The following PRR12 variants were observed in gnomAD, a reference collection of about 807,000 sequenced individuals.
PRR12 encodes the protein proline-rich protein 12.
PRR12 carries 12 observed loss-of-function variants against 138.0 expected under a neutral mutation model. The observed-to-expected ratio is 0.09, with a 90% CI of 0.06 to 0.14. The LOEUF (loss-of-function observed/expected upper bound fraction) is 0.14. Ranked by LOEUF, PRR12 falls within the 10% of genes least tolerant of loss-of-function variation. PRR12 has a pLI of 1.00. For missense variants in PRR12, 2,692 were observed against 2,861.3 expected (o/e 0.94, Z 1.35); for synonymous variants, 1,567 against 1,291.7 (o/e 1.21, Z -4.57).
chr19:49,601,255 C>T (rs1004691379), intron 5 of PRR12, among the ~76,000 whole-genome samples: 30 of 151,920 alleles, frequency 2.0e-4, no homozygotes, highest in Non-Finnish European at 2.8e-4. Flanking sequence ...GCTTTAAGAC[C>T]ACAAAGAGAC....
Position 49,595,445 on chromosome 19 carries a change from C to T in PRR12, c.1110C>T (p.Gly370=), listed in dbSNP as rs764691824. 117 of 1,028,760 alleles carry T rather than the reference C, an allele frequency of 1.1e-4. No homozygotes were observed. The highest frequency in any genetic ancestry group is 3.4e-4 in the East Asian group (13 of 38,552). 63.7% of individuals were successfully genotyped at this position (1,028,760 alleles called of 1,614,324 possible). A position where few individuals can be genotyped will look rare whatever the true frequency, so the allele number is the denominator to read the frequency against. Residue 370 remains glycine, a synonymous_variant, in exon 4 of 14, where the codon GGC becomes GGT. Coordinates refer to ENST00000418929, the MANE Select transcript of PRR12 (RefSeq NM_020719.3). ...GRATGPEAAG[G]GGAGGGGGGY... is the part of the protein sequence containing the mutation. ...CCACGGGCCCTGAGGCAGCAGGGGG[C>T]GGTGGGGCTGGGGGTGGTGGTGGAG...
At chr19:49,620,969 T>C (rs1301904806) in intron 10 of PRR12, among the ~76,000 whole-genome samples, 6 of 116,802 alleles carry the variant, frequency 5.1e-5, no homozygotes, top group East Asian at 2.8e-4. Flanking sequence ...CTCCTGGGTC[T>C]GAGGGAGGAG....
At chr19:49,617,495 G>A (rs183302716) in intron 9 of PRR12, among the ~76,000 whole-genome samples, 4 of 152,230 alleles carry the variant, frequency 2.6e-5, no homozygotes, top group African/African-American at 4.8e-5. Context: ...GCTGGGCTTG[G>A]TGGTGAATGC....
intron 6 of PRR12, among the ~76,000 whole-genome samples, chr19:49,603,448 C>T (rs548756950): frequency 1.1e-4 from 17 of 152,298 alleles, no homozygotes; most frequent in East Asian, 1.9e-4. Context: ...CCCAGCACTT[C>T]GGGAGGCCAA....
Position 49,599,835 on chromosome 19 carries a change from A to G in PRR12, c.4242A>G (p.Lys1414=). The stretch of plus-strand genomic sequence containing the variant: ...ATGACCCACCCCTTGCTGGGCCAAA[A>G]GACACTTCCACCCCAGATGGGCCGC... The part of the protein sequence containing the change: ...ALDDPPLAGP[K]DTSTPDGPPL... Residue 1414 remains lysine (K), a synonymous_variant, in exon 5 of 14, where the codon AAA becomes AAG. Coordinates refer to ENST00000418929, the MANE Select transcript of PRR12 (RefSeq NM_020719.3). The surrounding 1 kb of genome is among the most constrained non-coding windows in gnomAD (Gnocchi z 5.0). The G allele has an allele frequency of 6.2e-7, 1 of 1,613,318 alleles. No individual in the cohort carries two copies. The highest frequency in any genetic ancestry group is 8.5e-7 in the Non-Finnish European group (1 of 1,179,870).
chr19:49,611,408 AG>A (rs2080865205), intron 6 of PRR12, among the ~76,000 whole-genome samples: 3 of 150,186 alleles, frequency 2.0e-5, no homozygotes, highest in Non-Finnish European at 4.5e-5. Flanking sequence ...AGGCCGAGGC[AG>A]GTGGATCACC....
chr19:49,614,666 G>T lies in PRR12; in HGVS notation c.4890+17G>T. The T allele has an allele frequency of 6.4e-7, 1 of 1,551,476 alleles. No homozygotes were observed. ...ACCAGTAATGTAAGCCTGCAAAGGG[G>T]ACCAAGGACTTGGGGGCCCCGGGGC... On this transcript the variant is annotated intron_variant, in intron 7 of 13. Transcript: ENST00000418929. The surrounding 1 kb of genome is among the most constrained non-coding windows in gnomAD (Gnocchi z 5.0).
Position 49,601,721 on chromosome 19 carries a change from C to G in PRR12, c.4576C>G (p.Pro1526Ala), listed in dbSNP as rs763442567. 15 of 1,544,350 alleles carry G rather than the reference C, an allele frequency of 9.7e-6. No individual in the cohort carries two copies. The South Asian group carries it at 1.2e-4, about 12-fold the overall frequency. The change falls in exon 6 of 14, where the codon CCT becomes GCT. Residue 1526 changes from proline (P) to alanine (A), a missense_variant. This residue lies in a region of PRR12 where 231 missense variants were observed against 200.8 expected (regional missense o/e 1.15). Transcript: ENST00000418929. ...ACCAGCCGCTGCCCCACTGGCTGCTCCTCCTGAGGAGCCCGCCGCCCCGTC... is the reference window on the plus strand; with the variant it reads ...ACCAGCCGCTGCCCCACTGGCTGCTGCTCCTGAGGAGCCCGCCGCCCCGTC... ...PPPAAAPLAA[P>A]PEEPAAPSPE...
At position 49,597,934 on chromosome 19, in the gene PRR12, C is replaced by CCCGGGGCCGGGG; in HGVS notation, c.3603_3614dup (p.Gly1206_Arg1209dup). ...ACGCCCACCGATGGCGCCAAGAAAC[C>CCCGGGGCCGGGG]CCGGGGCCGGGGCCGAGGCCGGGGT... On this transcript the variant is annotated inframe_insertion, in exon 4 of 14. Transcript: ENST00000418929. This position sits in a 1 kb window ranked among gnomAD's most constrained non-coding sequence, Gnocchi z 6.3. 1.4e-6 allele frequency: 2 copies of CCCGGGGCCGGGG among 1,404,274 alleles called. No homozygotes were observed. The highest frequency in any genetic ancestry group is 1.8e-6 in the Non-Finnish European group (2 of 1,082,914). 87.0% of individuals were successfully genotyped at this position (1,404,274 alleles called of 1,614,324 possible).
At chr19:49,610,020 A>G (rs2122340969) in intron 6 of PRR12, among the ~76,000 whole-genome samples, 1 of 149,576 alleles carries the variant, frequency 6.7e-6, no homozygotes, top group East Asian at 2.0e-4. Flanking sequence ...TGTCCCCCAG[A>G]CTGGAGTGCG....
intron 11 of PRR12, among the ~76,000 whole-genome samples, chr19:49,624,217 G>T (rs2080941592): frequency 6.7e-6 from 1 of 148,422 alleles, no homozygotes; most frequent in African/African-American, 2.5e-5. Flanking sequence ...GGATGAGACT[G>T]AGAATTCTGG....
In PRR12 at chr19:49,591,611, C is replaced by CCTCCCTCCCTCCCCCT. The variant is rs2080727245; in HGVS notation, c.-42_-27dup. On this transcript the variant is annotated 5_prime_UTR_variant, in exon 1 of 14. Transcript: ENST00000418929. ...AGAGCGCGCGCGCGCCCCCTCCCTC[C>CCTCCCTCCCTCCCCCT]CTCCCTCCCTCCCCCTCCCCCCAAT... 9.7e-6 allele frequency: 3 copies of CCTCCCTCCCTCCCCCT among 309,450 alleles called. No individual in the cohort carries two copies. The highest frequency in any genetic ancestry group is 5.7e-5 in the Admixed American group (1 of 17,492). The allele number at this position is 309,450 out of a possible 1,614,324, so 19.2% of individuals were successfully genotyped here. A position where few individuals can be genotyped will look rare whatever the true frequency, so the allele number is the denominator to read the frequency against.
Position 49,624,840 on chromosome 19 carries a change from G to A in PRR12, c.5722-4G>A, listed in dbSNP as rs539373890. On this transcript the variant is annotated splice_region_variant and splice_polypyrimidine_tract_variant and intron_variant, in intron 11 of 13. Coordinates refer to ENST00000418929, the MANE Select transcript of PRR12 (RefSeq NM_020719.3). ...CATCCAGCTGACCCATTGGCTTCCC[G>A]CAGGATGCTCTGCACACGTTCCCAC... is the stretch of plus-strand genomic sequence containing the variant. The A allele has an allele frequency of 7.5e-5, 120 of 1,610,290 alleles. 2 individuals are homozygous for A. In the South Asian group the frequency reaches 1.2e-3, roughly 17 times the overall value.
chr19:49,620,340 T>C lies in PRR12; in HGVS notation c.5498-12T>C. 2 of 1,613,034 alleles carry C rather than the reference T, an allele frequency of 1.2e-6. No individual in the cohort carries two copies. The highest frequency in any genetic ancestry group is 1.1e-5 in the South Asian group (1 of 90,784). On this transcript the variant is annotated splice_polypyrimidine_tract_variant and intron_variant, in intron 9 of 13. Transcript: ENST00000418929. ...ATTGGGATAACGAGCCTGCGTCCTG[T>C]CTTTTCTGCAGAGCGGGCAGTACCT... is the stretch of plus-strand genomic sequence containing the variant.
chr19:49,597,707 G>A lies in PRR12; in HGVS notation c.3372G>A (p.Leu1124=), dbSNP rs1038630567. 8 of 1,606,756 alleles carry A rather than the reference G, an allele frequency of 5.0e-6. No homozygotes were observed. Among genetic ancestry groups the A allele is most frequent in the East Asian group, 2.2e-5 (1 of 44,612 alleles). Residue 1124 remains leucine, a synonymous_variant, in exon 4 of 14, where the codon CTG becomes CTA. Coordinates refer to ENST00000418929, the MANE Select transcript of PRR12 (RefSeq NM_020719.3). This position sits in a 1 kb window ranked among gnomAD's most constrained non-coding sequence, Gnocchi z 6.3. ...IRLNPRRLPD[L]VSSCRSRPAL... is the part of the protein sequence containing the mutation. ...TCAACCCCCGGCGCTTGCCTGACCT[G>A]GTCTCCAGCTGCCGCTCCCGTCCGG...
Position 49,597,530 on chromosome 19 carries a change from C to T in PRR12, c.3195C>T (p.Cys1065=), listed in dbSNP as rs1444574813. ...GTGGCCTCACCTCGCCCATCTTCTG[C>T]TCTACCAAGCCAAAGAAGCTGCTCA... The part of the protein sequence containing the change: ...PKGGLTSPIF[C]STKPKKLLKT... The change falls in exon 4 of 14, where the codon TGC becomes TGT. Residue 1065 remains cysteine, a synonymous_variant. Coordinates refer to ENST00000418929, the MANE Select transcript of PRR12 (RefSeq NM_020719.3). This position sits in a 1 kb window ranked among gnomAD's most constrained non-coding sequence, Gnocchi z 6.3. 1.3e-6 allele frequency: 2 copies of T among 1,566,792 alleles called. No homozygotes were observed. Among genetic ancestry groups the T allele is most frequent in the Non-Finnish European group, 8.6e-7 (1 of 1,158,256 alleles).
At chr19:49,619,422 A>G (rs555233087) in intron 9 of PRR12, among the ~76,000 whole-genome samples, 2 of 148,512 alleles carry the variant, frequency 1.3e-5, no homozygotes, top group African/African-American at 5.0e-5. Context: ...TTTAGTAGAG[A>G]CAGGGTTTCT....
chr19:49,593,328 T>G lies in PRR12; in HGVS notation c.88T>G (p.Leu30Val). 1 of 1,534,054 alleles carries G rather than the reference T, an allele frequency of 6.5e-7. No individual in the cohort carries two copies. Residue 30 changes from leucine to valine, a missense_variant and splice_region_variant, in exon 2 of 14, where the codon TTG becomes GTG. Coordinates refer to ENST00000418929, the MANE Select transcript of PRR12 (RefSeq NM_020719.3). ...CTGACGTCTCCCCTTTCCCCCCAGCTTGGTTTATGGCAGCTCCAGGACCTC... is the reference window on the plus strand; with the variant it reads ...CTGACGTCTCCCCTTTCCCCCCAGCGTGGTTTATGGCAGCTCCAGGACCTC... ...WSYERSAKAS[L>V]VYGSSRTSHP...
chr19:49,609,507 A>G (rs771062041), intron 6 of PRR12, among the ~76,000 whole-genome samples: 4 of 151,322 alleles, frequency 2.6e-5, no homozygotes, highest in Admixed American at 2.0e-4. Context: ...AGGCTGAGGT[A>G]GGAGAATCAC....
Sources: gnomAD v4.1 joint callset for allele counts (sites outside exome capture counted in the v4.1 genomes callset) on GRCh38, gnomAD v4.1.1 for gene constraint, gnomAD v4.1.1 regional missense constraint, Gnocchi (gnomAD v3.1) non-coding constraint, MANE v1.5 for transcripts, NCBI Gene and HGNC (gene_info 2026-07-23, HGNC 2026-07-21) for gene names.